The following ODR4 variants were observed in gnomAD, a reference collection of about 807,000 sequenced individuals.
ODR4 encodes protein odr-4 homolog.
Under a neutral mutation model 60.2 loss-of-function variants are expected in ODR4, and 47 were observed. The observed-to-expected ratio is 0.78, with a 90% CI of 0.62 to 1.00. ODR4 has a LOEUF of 1.00. ODR4 is among the 50% of genes least tolerant of loss of function. ODR4 has a pLI of 0.00. For synonymous variants in ODR4, 178 were observed against 175.5 expected, an observed-to-expected ratio of 1.01 and a Z score of -0.11; for missense variants, 488 against 530.8, an observed-to-expected ratio of 0.92 and a Z score of 0.79.
At position 186,421,210 on chromosome 1, in the gene ODR4, G is replaced by A. The variant is rs1403326479; in HGVS notation, c.*2134G>A. The A allele has an allele frequency of 6.6e-6, 1 of 152,042 alleles. No homozygotes were observed. Among genetic ancestry groups the A allele is most frequent in the Non-Finnish European group, 1.5e-5 (1 of 68,014 alleles). 9.4% of individuals were successfully genotyped at this position (152,042 alleles called of 1,614,324 possible). A position where few individuals can be genotyped will look rare whatever the true frequency, so the allele number is the denominator to read the frequency against. ...CTACAAAAGGATGATCTTCAAGAAG[G>A]GAAATGATTCTAAAAGGATTATCTG... On this transcript the variant is annotated 3_prime_UTR_variant, in exon 14 of 14. Coordinates refer to ENST00000287859, the MANE Select transcript of ODR4 (RefSeq NM_017847.6).
At chr1:186,376,519 TTGG>T (rs1480632020) in intron 1 of ODR4, among the ~76,000 whole-genome samples, 4 of 152,216 alleles carry the variant, frequency 2.6e-5, no homozygotes, top group Non-Finnish European at 5.9e-5. Context: ...CTTCTGTGAA[TTGG>T]TGATTTAGTT....
At position 186,398,825 on chromosome 1, in the gene ODR4, T is replaced by C. The variant is rs1043534465; in HGVS notation, c.910-129T>C. On this transcript the variant is annotated intron_variant, in intron 10 of 13. Coordinates refer to ENST00000287859, the MANE Select transcript of ODR4 (RefSeq NM_017847.6). ...TGCTAAATAAGTGGAAATAAAACAT[T>C]GAATGATGTATCAGTTATTTAGTGG... 20 of 576,850 alleles carry C rather than the reference T, an allele frequency of 3.5e-5. No individual in the cohort carries two copies. In the African/African-American group the frequency reaches 3.9e-4, roughly 11 times the overall value. The allele number at this position is 576,850 out of a possible 1,614,324, so 35.7% of individuals were successfully genotyped here. A position where few individuals can be genotyped will look rare whatever the true frequency, so the allele number is the denominator to read the frequency against.
At chr1:186,434,510 C>G in the ODR4 span, among the ~76,000 whole-genome samples, 188 of 152,244 alleles carry the variant, frequency 1.2e-3, no homozygotes, top group South Asian at 0.012. Flanking sequence ...CTTGCTGCTC[C>G]TTCAGAGAAA....
intron 3 of ODR4, among the ~76,000 whole-genome samples, chr1:186,385,426 A>G (rs1484166984): frequency 6.6e-6 from 1 of 151,372 alleles, no homozygotes; most frequent in Non-Finnish European, 1.5e-5. Flanking sequence ...AATCCATGGG[A>G]AAACTACACC....
the ODR4 span, among the ~76,000 whole-genome samples, chr1:186,433,028 T>G: frequency 6.3e-3 from 957 of 151,982 alleles, 13 homozygotes; most frequent in African/African-American, 0.022. Flanking sequence ...TCAAGATCCA[T>G]CCGCCTCAGC....
chr1:186,398,647 C>T (rs1299291926), intron 10 of ODR4, among the ~76,000 whole-genome samples: 1 of 151,980 alleles, frequency 6.6e-6, no homozygotes, highest in Non-Finnish European at 1.5e-5. Flanking sequence ...AAAATGATGG[C>T]TATACAAGTT....
chr1:186,425,316 A>G (rs1199296603), downstream of ODR4, among the ~76,000 whole-genome samples: 45 of 152,048 alleles, frequency 3.0e-4, no homozygotes, highest in Non-Finnish European at 4.4e-5. Flanking sequence ...GGCAATATAC[A>G]CTCTTGTTTA....
At chr1:186,382,064 A>G (rs766814687) in intron 2 of ODR4, among the ~76,000 whole-genome samples, 2 of 152,022 alleles carry the variant, frequency 1.3e-5, no homozygotes. Flanking sequence ...GTTCCCCTAC[A>G]TTTATTTTTA....
chr1:186,382,233 T>C (rs1180787085), intron 2 of ODR4, among the ~76,000 whole-genome samples: 6 of 146,188 alleles, frequency 4.1e-5, no homozygotes, highest in Non-Finnish European at 7.5e-5. Context: ...AGCAAGACTC[T>C]GTCTCTACAA....
At position 186,379,662 on chromosome 1, in the gene ODR4, A is replaced by G. The variant is rs968384183; in HGVS notation, c.-19-105A>G. On this transcript the variant is annotated intron_variant, in intron 1 of 13. Coordinates refer to ENST00000287859, the MANE Select transcript of ODR4 (RefSeq NM_017847.6). The stretch of plus-strand genomic sequence containing the variant: ...ATAAGTATTTGCTGCAAGGCATGAG[A>G]TAGCCTCAGGATAGTATCACTTCTC... 3 of 598,028 alleles carry G rather than the reference A, an allele frequency of 5.0e-6. No individual in the cohort carries two copies. In the African/African-American group the frequency reaches 5.7e-5, roughly 11 times the overall value. The allele number at this position is 598,028 out of a possible 1,614,324, so 37.0% of individuals were successfully genotyped here.
chr1:186,412,097 T>C (rs1297855698), intron 12 of ODR4, among the ~76,000 whole-genome samples: 1 of 152,172 alleles, frequency 6.6e-6, no homozygotes, highest in Non-Finnish European at 1.5e-5. Flanking sequence ...CTGCCTATTA[T>C]GTATTAGGAT....
intron 11 of ODR4, among the ~76,000 whole-genome samples, chr1:186,404,072 A>T (rs1483498345): frequency 6.6e-6 from 1 of 152,206 alleles, no homozygotes; most frequent in Non-Finnish European, 1.5e-5. Context: ...TTTCAGTACT[A>T]CTCTGATACC....
intron 11 of ODR4, chr1:186,400,744 C>A (rs1392037435): frequency 3.7e-6 from 1 of 268,070 alleles, no homozygotes; most frequent in Non-Finnish European, 7.0e-6. Flanking sequence ...CTATGATTGG[C>A]AGATTTAACA....
At chr1:186,415,830 A>G (rs567072255) in intron 12 of ODR4, among the ~76,000 whole-genome samples, 35 of 152,362 alleles carry the variant, frequency 2.3e-4, no homozygotes, top group Non-Finnish European at 4.6e-4. Flanking sequence ...ATGAAGTAGA[A>G]AGAGAACTTG....
downstream of ODR4, among the ~76,000 whole-genome samples, chr1:186,423,048 T>C (rs561867641): frequency 4.2e-4 from 64 of 152,144 alleles, no homozygotes; most frequent in Admixed American, 1.4e-3. Flanking sequence ...GACCAAACTC[T>C]AGAAAACTGC....
chr1:186,422,113 A>G (rs1022382003), downstream of ODR4, among the ~76,000 whole-genome samples: 2 of 152,152 alleles, frequency 1.3e-5, no homozygotes, highest in African/African-American at 4.8e-5. Flanking sequence ...TAAAACACCT[A>G]AAATATTAGA....
At chr1:186,424,189 T>C (rs1446056229), downstream of ODR4, among the ~76,000 whole-genome samples, 4 of 152,188 alleles carry the variant, frequency 2.6e-5, no homozygotes, top group African/African-American at 7.2e-5. Context: ...AATTACGGGT[T>C]TTGTAATTTT....
chr1:186,421,544 A>G (rs1468160280), downstream of ODR4, among the ~76,000 whole-genome samples: 1 of 152,120 alleles, frequency 6.6e-6, no homozygotes, highest in Non-Finnish European at 1.5e-5. Context: ...TGTGTAGTCA[A>G]GAGTTCAAGG....
chr1:186,383,678 G>GATATATATATATATATATATATAT lies in ODR4; in HGVS notation c.234+542_234+543insATATATATATATATATATATATAT, dbSNP rs60229243. 4.4e-3 allele frequency among the ~76,000 whole-genome samples: 612 copies of GATATATATATATATATATATATAT among 140,554 alleles called. 5 individuals are homozygous for GATATATATATATATATATATATAT. The highest frequency in any genetic ancestry group is 7.3e-3 in the Middle Eastern group (2 of 274). The allele number at this position is 140,554 out of a possible 152,430, so 92.2% of individuals were successfully genotyped here. ...ACTCAAACGTGTTTCTGTGTATGTAGATATATATATATATATATATGGACA... is the reference window on the plus strand; with the variant it reads ...ACTCAAACGTGTTTCTGTGTATGTAGATATATATATATATATATATATATATATATATATATATATATATGGACA... On this transcript the variant is annotated intron_variant, in intron 3 of 13. Coordinates refer to ENST00000287859, the MANE Select transcript of ODR4 (RefSeq NM_017847.6).
Sources: allele counts gnomAD v4.1 joint callset (sites outside exome capture counted in the v4.1 genomes callset), GRCh38; gene constraint gnomAD v4.1.1; transcripts MANE v1.5; gene names NCBI Gene and HGNC (gene_info 2026-07-23, HGNC 2026-07-21).